The following WWOX variants were observed in gnomAD, a reference collection of about 807,000 sequenced individuals.
The protein encoded by WWOX is WW domain-containing oxidoreductase.
In WWOX, 69 loss-of-function variants were observed where a neutral mutation model predicts 46.2. That is an observed-to-expected ratio of 1.49 (90% CI 1.23 to 1.82). The LOEUF (loss-of-function observed/expected upper bound fraction) is 1.82, where lower values mean the gene tolerates loss of function less well. Among genes scored for constraint, WWOX ranks in the 40% most tolerant of loss-of-function variants. The probability of loss-of-function intolerance (pLI) is 0.00; values close to 1 mark genes in which losing one functional copy is unlikely to be tolerated. For synonymous variants in WWOX, 359 were observed against 202.6 expected (o/e 1.77, Z -6.56); for missense variants, 919 against 542.6 (o/e 1.69, Z -6.89).
intron 8 of WWOX, among the ~76,000 whole-genome samples, chr16:78,515,148 C>T (rs1427222541): frequency 3.3e-5 from 5 of 152,080 alleles, no homozygotes; most frequent in Admixed American, 6.6e-5. Flanking sequence ...CACTTGAACC[C>T]GGGAGGCGGA....
intron 5 of WWOX, among the ~76,000 whole-genome samples, chr16:78,180,744 G>T (rs904520811): frequency 2.0e-5 from 3 of 151,686 alleles, no homozygotes; most frequent in Non-Finnish European, 4.4e-5. Flanking sequence ...AATACTAGTG[G>T]GTAAATCCAG....
chr16:78,321,362 ATATATATACGTATATATG>A (rs2080474277), intron 5 of WWOX, among the ~76,000 whole-genome samples: 1 of 58,604 alleles, frequency 1.7e-5, no homozygotes, highest in African/African-American at 8.6e-5. Flanking sequence ...ATATATGCGT[ATATATATACGTATATATG>A]CGTATATATA....
At chr16:78,432,449 A>G (rs1332033956) in intron 7 of WWOX, 39 bp from the exon 8 acceptor site, 2 of 1,611,214 alleles carry the variant, frequency 1.2e-6, no homozygotes, top group Non-Finnish European at 1.7e-6. Flanking sequence ...GTGGGAAGTC[A>G]GAACTTGGTT....
At chr16:78,228,452 C>A (rs2037142345) in intron 5 of WWOX, among the ~76,000 whole-genome samples, 2 of 151,804 alleles carry the variant, frequency 1.3e-5, no homozygotes, top group Admixed American at 1.3e-4. Context: ...AGAGATCCTC[C>A]CACCTCAGCC....
At chr16:78,961,281 A>G (rs2046265736) in intron 8 of WWOX, among the ~76,000 whole-genome samples, 1 of 152,252 alleles carries the variant, frequency 6.6e-6, no homozygotes. Context: ...ATAGTTATAT[A>G]TGAACTGATG....
At chr16:78,947,300 A>G (rs1458293561) in intron 8 of WWOX, among the ~76,000 whole-genome samples, 3 of 152,326 alleles carry the variant, frequency 2.0e-5, no homozygotes, top group East Asian at 3.9e-4. Flanking sequence ...GCCTGAAGCA[A>G]TAAAGGCAGG....
intron 8 of WWOX, among the ~76,000 whole-genome samples, chr16:79,092,123 T>C (rs1431872805): frequency 1.3e-5 from 2 of 152,128 alleles, no homozygotes; most frequent in African/African-American, 4.8e-5. Context: ...AGATCAGTCT[T>C]GCTTTCAGGT....
intron 8 of WWOX, among the ~76,000 whole-genome samples, chr16:79,006,761 C>T (rs181551945): frequency 1.4e-3 from 215 of 152,222 alleles, no homozygotes; most frequent in African/African-American, 5.1e-3. Flanking sequence ...AGAGGTTGCC[C>T]ATCTTCATGG....
chr16:78,691,765 G>C (rs1460061852), intron 8 of WWOX, among the ~76,000 whole-genome samples: 1 of 152,138 alleles, frequency 6.6e-6, no homozygotes, highest in East Asian at 1.9e-4. Flanking sequence ...ATCCCTGTAG[G>C]AGAGAGTTAC....
chr16:79,033,632 T>G (rs1220282869), intron 8 of WWOX, among the ~76,000 whole-genome samples: 1 of 152,138 alleles, frequency 6.6e-6, no homozygotes, highest in East Asian at 1.9e-4. Context: ...CATATTGTTG[T>G]GCTAACATCA....
chr16:78,855,051 G>C (rs1293146978), intron 8 of WWOX, among the ~76,000 whole-genome samples: 1 of 151,900 alleles, frequency 6.6e-6, no homozygotes, highest in Non-Finnish European at 1.5e-5. Context: ...GACTATGATT[G>C]ACAGTCTACC....
intron 8 of WWOX, chr16:79,004,191 C>T (rs2047148411): frequency 6.6e-6 from 1 of 152,156 alleles, no homozygotes; most frequent in South Asian, 2.1e-4. Flanking sequence ...TTGATCTAGT[C>T]CCTGTTGAGT....
intron 8 of WWOX, among the ~76,000 whole-genome samples, chr16:78,955,348 TGAG>T (rs2046143862): frequency 6.6e-6 from 1 of 152,100 alleles, no homozygotes; most frequent in Non-Finnish European, 1.5e-5. Flanking sequence ...AGAGGAGCAT[TGAG>T]GAGATGAGTC....
intron 8 of WWOX, among the ~76,000 whole-genome samples, chr16:79,192,575 G>C (rs1034717722): frequency 6.6e-6 from 1 of 152,240 alleles, no homozygotes; most frequent in African/African-American, 2.4e-5. Context: ...TTAGCATGGA[G>C]AGATTTCTCT....
chr16:79,037,382 T>C (rs1050632276), intron 8 of WWOX, among the ~76,000 whole-genome samples: 1 of 152,148 alleles, frequency 6.6e-6, no homozygotes, highest in East Asian at 1.9e-4. Context: ...GGTCAGTTGA[T>C]TGAGGGTGTG....
rs147821233 is a variant in WWOX, at chr16:78,473,171, C to T, written c.1056+40419C>T. ...TTGAGACCGAGTCTCACTCTGTCAC[C>T]CAGGCTAGAGTGCAGTGGTGCGTTC... On this transcript the variant is annotated intron_variant, in intron 8 of 8. Coordinates refer to ENST00000566780, the MANE Select transcript of WWOX (RefSeq NM_016373.4). Among the ~76,000 whole-genome samples, 469 of 152,270 alleles carry T rather than the reference C, an allele frequency of 3.1e-3. 3 individuals carry two copies. Among genetic ancestry groups the T allele is most frequent in the African/African-American group, 0.011 (450 of 41,558 alleles).
At chr16:78,356,775 G>A (rs564227389) in intron 5 of WWOX, among the ~76,000 whole-genome samples, 11 of 152,192 alleles carry the variant, frequency 7.2e-5, no homozygotes, top group South Asian at 2.1e-4. Flanking sequence ...CCAGCGACTC[G>A]GGAGGCTGAG....
chr16:79,087,970 C>T (rs1264308427), intron 8 of WWOX, among the ~76,000 whole-genome samples: 3 of 152,120 alleles, frequency 2.0e-5, no homozygotes, highest in African/African-American at 2.4e-5. Context: ...GCTCCACTAC[C>T]ATCTCCTTGG....
intron 8 of WWOX, among the ~76,000 whole-genome samples, chr16:79,048,778 G>A (rs534740850): frequency 3.3e-4 from 50 of 152,252 alleles, no homozygotes; most frequent in Admixed American, 6.5e-4. Context: ...CAGGAGCCTC[G>A]TTACCACCTT....
Sources: gnomAD v4.1 joint callset for allele counts (sites outside exome capture counted in the v4.1 genomes callset) on GRCh38, gnomAD v4.1.1 for gene constraint, MANE v1.5 for transcripts, NCBI Gene and HGNC (gene_info 2026-07-23, HGNC 2026-07-21) for gene names.